CELF1: variants seen among roughly 807,000 people sequenced by gnomAD.
CELF1 encodes the protein CUGBP Elav-like family member 1, also known as 50 kDa nuclear polyadenylated RNA-binding protein.
Under a neutral mutation model 61.8 loss-of-function variants are expected in CELF1, and 10 were observed. The ratio of observed to expected loss-of-function variants is 0.16; its 90% confidence interval spans 0.10 to 0.27. The LOEUF is 0.27. Ranked by LOEUF, CELF1 falls within the 10% of genes least tolerant of loss-of-function variation. CELF1 has a pLI of 1.00. For missense variants in CELF1, 380 were observed against 639.1 expected, an observed-to-expected ratio of 0.59 and a Z score of 4.37; for synonymous variants, 236 against 225.1, an observed-to-expected ratio of 1.05 and a Z score of -0.43.
chr11:47,532,013 G>C (rs949640439), intron 1 of CELF1, among the ~76,000 whole-genome samples: 3 of 151,972 alleles, frequency 2.0e-5, no homozygotes, highest in Non-Finnish European at 4.4e-5. Flanking sequence ...GAATTTTTCT[G>C]ATTACAACTG....
intron 1 of CELF1, among the ~76,000 whole-genome samples, chr11:47,532,821 C>G (rs2096523369): frequency 1.3e-5 from 2 of 152,178 alleles, no homozygotes; most frequent in South Asian, 4.1e-4. Flanking sequence ...AGCACCTTAC[C>G]ATAATTAGGC....
In CELF1 at chr11:47,535,963, T is replaced by C. The variant is rs2096619537; in HGVS notation, c.-154+17029A>G. On this transcript the variant is annotated intron_variant, in intron 1 of 14. Transcript: ENST00000687097. Reference sequence around the variant, plus strand: ...GTTTTTAGTACAGACAGGGTTTCACTGTGTTAGCCAGGATGGTCTTGATCT... The same window carrying C: ...GTTTTTAGTACAGACAGGGTTTCACCGTGTTAGCCAGGATGGTCTTGATCT... 2.0e-5 allele frequency among the ~76,000 whole-genome samples: 3 copies of C among 152,066 alleles called. No individual in the cohort carries two copies. In the South Asian group the frequency reaches 6.3e-4, roughly 32 times the overall value.
intron 1 of CELF1, among the ~76,000 whole-genome samples, chr11:47,516,846 A>G (rs2095582228): frequency 6.6e-6 from 1 of 152,110 alleles, no homozygotes; most frequent in Non-Finnish European, 1.5e-5. Context: ...CAGGTGATCC[A>G]CTTGCCTCAG....
chr11:47,485,629 T>C (rs1175398879), intron 6 of CELF1, among the ~76,000 whole-genome samples: 1 of 151,724 alleles, frequency 6.6e-6, no homozygotes, highest in Non-Finnish European at 1.5e-5. Context: ...TCACCCAGGC[T>C]GGAGTGCAGT....
At chr11:47,522,009 CGA>C (rs1158427732) in intron 1 of CELF1, among the ~76,000 whole-genome samples, 11 of 151,574 alleles carry the variant, frequency 7.3e-5, no homozygotes, top group African/African-American at 2.4e-4. Context: ...CTCCCGGATT[CGA>C]GAGATTCTCC....
At chr11:47,503,969 G>A (rs1362982226) in intron 1 of CELF1, among the ~76,000 whole-genome samples, 1 of 151,494 alleles carries the variant, frequency 6.6e-6, no homozygotes. Flanking sequence ...AAGCCCAGGA[G>A]TTTGAGACTA....
intron 1 of CELF1, among the ~76,000 whole-genome samples, chr11:47,540,885 A>AAACAAC (rs138263192): frequency 2.6e-4 from 39 of 151,226 alleles, no homozygotes; most frequent in African/African-American, 7.5e-4. Context: ...ACTCCATCTC[A>AAACAAC]AACAACAACA....
rs10690121 is a variant in CELF1 at position 47,508,675 on chromosome 11, A to AACAC, written c.-153-7747_-153-7744dup. On this transcript the variant is annotated intron_variant, in intron 1 of 14. Transcript: ENST00000687097. The stretch of plus-strand genomic sequence containing the variant: ...CCAAGACTTTTTAAAGGAAACCTCA[A>AACAC]ACACACACACACACACACACACATA... 5.1e-3 allele frequency among the ~76,000 whole-genome samples: 760 copies of AACAC among 149,008 alleles called. 5 individuals carry two copies. The highest frequency in any genetic ancestry group is 0.016 in the South Asian group (73 of 4,656).
intron 3 of CELF1, 80 bp from the exon 4 acceptor site, chr11:47,489,104 A>C: frequency 8.3e-7 from 1 of 1,210,484 alleles, no homozygotes; most frequent in Non-Finnish European, 1.1e-6. Context: ...AATGATCTTA[A>C]CTAGTTCTGA....
intron 1 of CELF1, among the ~76,000 whole-genome samples, chr11:47,537,240 T>A (rs1445993859): frequency 1.3e-5 from 2 of 148,582 alleles, no homozygotes; most frequent in Admixed American, 6.8e-5. Context: ...GTTTTTACCA[T>A]ACAAATTTTT....
intron 1 of CELF1, among the ~76,000 whole-genome samples, chr11:47,529,395 A>G (rs1282779475): frequency 2.0e-5 from 3 of 151,918 alleles, no homozygotes; most frequent in African/African-American, 7.3e-5. Context: ...CTAAAAATAT[A>G]AAAATTAGTG....
At chr11:47,477,215 T>C in intron 11 of CELF1, 82 bp downstream of exon 11, 21 of 1,491,324 alleles carry the variant, frequency 1.4e-5, no homozygotes, top group South Asian at 8.3e-5. Flanking sequence ...TGTTAACTAT[T>C]TTCCCTCTCT....
At chr11:47,506,117 C>T (rs1193966746) in intron 1 of CELF1, among the ~76,000 whole-genome samples, 1 of 150,230 alleles carries the variant, frequency 6.7e-6, no homozygotes, top group Non-Finnish European at 1.5e-5. Context: ...CTAATGATAG[C>T]CGATGAGTTA....
chr11:47,549,959 G>A (rs993970592), intron 1 of CELF1, among the ~76,000 whole-genome samples: 15 of 152,172 alleles, frequency 9.9e-5, no homozygotes, highest in Middle Eastern at 3.4e-3. Context: ...TGGGACTACA[G>A]GCACATGCCA....
intron 1 of CELF1, among the ~76,000 whole-genome samples, chr11:47,541,798 G>A (rs147850410): frequency 0.22 from 21,406 of 97,440 alleles, 4,603 homozygotes; most frequent in Non-Finnish European, 0.32. Flanking sequence ...AAGAACGAAA[G>A]AAAGAAAGAA....
chr11:47,475,304 C>A (rs201883554), intron 13 of CELF1, 32 bp downstream of exon 13: 3 of 1,608,436 alleles, frequency 1.9e-6, no homozygotes, highest in Admixed American at 3.3e-5. Context: ...AACCGCCCCC[C>A]ATACCTGACC....
At chr11:47,554,578 T>G (rs76029004), upstream of CELF1, among the ~76,000 whole-genome samples, 7 of 151,952 alleles carry the variant, frequency 4.6e-5, no homozygotes, top group African/African-American at 1.7e-4. Context: ...ACTGCTTGCA[T>G]GCATGGCATG....
At chr11:47,486,599 G>A (rs2087345601) in intron 6 of CELF1, 151 bp downstream of exon 6, 7 of 640,830 alleles carry the variant, frequency 1.1e-5, no homozygotes, top group Admixed American at 7.1e-5. Flanking sequence ...TAGTAGAGAC[G>A]GGGTTTCACC....
chr11:47,492,871 A>G (rs1351522908), intron 3 of CELF1, among the ~76,000 whole-genome samples: 1 of 152,234 alleles, frequency 6.6e-6, no homozygotes, highest in Non-Finnish European at 1.5e-5. Context: ...GAGTGGGTTA[A>G]CAAAGAACCC....
Sources: allele counts gnomAD v4.1 joint callset (sites outside exome capture counted in the v4.1 genomes callset), GRCh38; gene constraint gnomAD v4.1.1; transcripts MANE v1.5; gene names NCBI Gene and HGNC (gene_info 2026-07-23, HGNC 2026-07-21).